Variants in GALNT15 observed in about 807,000 individuals in gnomAD.
The protein encoded by GALNT15 is UDP-GalNAc transferase T15.
In GALNT15, 67 loss-of-function variants were observed where a neutral mutation model predicts 66.8. The ratio of observed to expected loss-of-function variants is 1.00; its 90% CI spans 0.82 to 1.23. The LOEUF (loss-of-function observed/expected upper bound fraction) is 1.23. Ranked by LOEUF, GALNT15 falls within the 50% of genes most tolerant of loss-of-function variation. The pLI, the probability that GALNT15 is intolerant of heterozygous loss-of-function variation, is 0.00. For synonymous variants in GALNT15, 313 were observed against 311.5 expected (o/e 1.00, Z -0.05); for missense variants, 827 against 804.3 (o/e 1.03, Z -0.34).
chr3:16,195,909 A>G lies in GALNT15; in HGVS notation c.689A>G (p.Asp230Gly), dbSNP rs749959530. The change falls in exon 2 of 10, where the codon GAC becomes GGC. Residue 230 changes from aspartate (D) to glycine (G), a missense_variant. Asp to Gly is a moderately conservative substitution (Grantham distance 94). Coordinates refer to ENST00000339732, the MANE Select transcript of GALNT15 (RefSeq NM_054110.5). The surrounding 1 kb of genome is among the most constrained non-coding windows in gnomAD (Gnocchi z 4.6). ...TTCCTGAAGGAGATCATCCTCGTGG[A>G]CGACCTCAGCCAGCAAGGTAGCCAC... ...RAFLKEIILV[D>G]DLSQQGQLKS... The G allele has an allele frequency of 2.5e-5, 41 of 1,613,994 alleles. No homozygotes were observed. The Admixed American group carries it at 6.5e-4, about 26-fold the overall frequency.
the GALNT15 span, among the ~76,000 whole-genome samples, chr3:16,240,372 A>T: frequency 6.6e-6 from 1 of 152,212 alleles, no homozygotes; most frequent in Non-Finnish European, 1.5e-5. Flanking sequence ...GGATGACTTG[A>T]TGAGTCACTC....
In GALNT15 at chr3:16,189,645, G is replaced by T. The variant is rs2063553497; in HGVS notation, c.540-6115G>T. On this transcript the variant is annotated intron_variant, in intron 1 of 9. Transcript: ENST00000339732. The surrounding 1 kb of genome is among the most constrained non-coding windows in gnomAD (Gnocchi z 5.1). ...TTGTTATCCTCATTTTATAGATGAA[G>T]AAATTGAAGCTAGAAAGATATCCAG... Among the ~76,000 whole-genome samples, 1 of 152,176 alleles carries T rather than the reference G, an allele frequency of 6.6e-6. No homozygotes were observed. The highest frequency in any genetic ancestry group is 1.5e-5 in the Non-Finnish European group (1 of 68,024).
At chr3:16,213,702 C>G (rs2124889853) in intron 6 of GALNT15, among the ~76,000 whole-genome samples, 1 of 152,208 alleles carries the variant, frequency 6.6e-6, no homozygotes. Flanking sequence ...TCCCACAAGC[C>G]CCTTAGCAGC....
rs549788460 is a variant in GALNT15, at chr3:16,176,353, G to A, written c.539+663G>A. 2.0e-5 allele frequency among the ~76,000 whole-genome samples: 3 copies of A among 152,272 alleles called. No homozygotes were observed. The highest frequency in any genetic ancestry group is 4.8e-5 in the African/African-American group (2 of 41,550). ...AAGGTGAAGTTGCTTTCCCAGTCAC[G>A]CTGCTAGTAGGTAACAAAGTCAGGA... On this transcript the variant is annotated intron_variant, in intron 1 of 9. Transcript: ENST00000339732. The surrounding 1 kb of genome is among the most constrained non-coding windows in gnomAD (Gnocchi z 5.6).
At position 16,228,906 on chromosome 3, in the gene GALNT15, C is replaced by T. The variant is rs1376645915; in HGVS notation, c.*1406C>T. ...GTCCATGAGTGTGGGAAGAACACGG[C>T]TCATCTGGAGCACAGCTGAGGCTAG... On this transcript the variant is annotated 3_prime_UTR_variant, in exon 10 of 10. Transcript: ENST00000339732. 4.1e-6 allele frequency: 4 copies of T among 985,334 alleles called. No individual in the cohort carries two copies. The East Asian group carries it at 3.4e-4, about 84-fold the overall frequency. The allele number at this position is 985,334 out of a possible 1,614,324, so 61.0% of individuals were successfully genotyped here. A position where few individuals can be genotyped will look rare whatever the true frequency, so the allele number is the denominator to read the frequency against.
chr3:16,208,839 G>A (rs1482707706), intron 4 of GALNT15, among the ~76,000 whole-genome samples, 169 bp downstream of exon 4: 3 of 152,132 alleles, frequency 2.0e-5, no homozygotes, highest in Non-Finnish European at 4.4e-5. Flanking sequence ...TACCTATAAG[G>A]GTTACCCTAT....
At chr3:16,205,526 G>T (rs2063747615) in intron 3 of GALNT15, among the ~76,000 whole-genome samples, 1 of 152,202 alleles carries the variant, frequency 6.6e-6, no homozygotes, top group Non-Finnish European at 1.5e-5. Flanking sequence ...CCTTGTACCT[G>T]CCTGAGGGTT....
downstream of GALNT15, among the ~76,000 whole-genome samples, chr3:16,231,214 T>G (rs2064078252): frequency 3.3e-5 from 5 of 152,016 alleles, no homozygotes; most frequent in Admixed American, 3.3e-4. The surrounding 1 kb of genome is among the most constrained non-coding windows in gnomAD (Gnocchi z 4.1). Context: ...GCTTAAAACC[T>G]AGATGATGGG....
Position 16,203,174 on chromosome 3 carries a change from G to A in GALNT15, c.911+2351G>A, listed in dbSNP as rs934495582. ...CTCTGGGTCCAGTGCTGTTTTTATT[G>A]TGTACATTTTCTTTTTAAGAGTTGG... On this transcript the variant is annotated intron_variant, in intron 3 of 9. Coordinates refer to ENST00000339732, the MANE Select transcript of GALNT15 (RefSeq NM_054110.5). This position sits in a 1 kb window ranked among gnomAD's most constrained non-coding sequence, Gnocchi z 6.2. Among the ~76,000 whole-genome samples, 1 of 152,122 alleles carries A rather than the reference G, an allele frequency of 6.6e-6. No individual in the cohort carries two copies. Among genetic ancestry groups the A allele is most frequent in the Admixed American group, 6.5e-5 (1 of 15,272 alleles).
At chr3:16,241,354 A>C in the GALNT15 span, among the ~76,000 whole-genome samples, 2 of 152,282 alleles carry the variant, frequency 1.3e-5, no homozygotes, top group African/African-American at 4.8e-5. This position sits in a 1 kb window ranked among gnomAD's most constrained non-coding sequence, Gnocchi z 4.6. Flanking sequence ...AAAATTACAG[A>C]GCTAAAATTT....
rs1173501006 is a variant in GALNT15 at position 16,195,851 on chromosome 3, G to A, written c.631G>A (p.Val211Ile). The A allele has an allele frequency of 6.2e-7, 1 of 1,614,138 alleles. No homozygotes were observed. The highest frequency in any genetic ancestry group is 1.1e-5 in the South Asian group (1 of 91,078). ...GGCCTGGTCCACTCTCCTGCGGACT[G>A]TACACAGCATCCTCGACACAGTGCC... Reference protein sequence around the residue: ...DEAWSTLLRTVHSILDTVPRA... With the variant: ...DEAWSTLLRTIHSILDTVPRA... The change falls in exon 2 of 10, where the codon GTA becomes ATA. Residue 211 changes from valine to isoleucine, a missense_variant. Coordinates refer to ENST00000339732, the MANE Select transcript of GALNT15 (RefSeq NM_054110.5). The surrounding 1 kb of genome is among the most constrained non-coding windows in gnomAD (Gnocchi z 4.6).
At chr3:16,199,692 A>G (rs1232352344) in intron 2 of GALNT15, among the ~76,000 whole-genome samples, 2 of 151,830 alleles carry the variant, frequency 1.3e-5, no homozygotes, top group African/African-American at 4.8e-5. Context: ...GCCTGATCCC[A>G]TGGGGGACTC....
chr3:16,216,468 T>C (rs574703120), intron 6 of GALNT15, among the ~76,000 whole-genome samples: 14 of 148,208 alleles, frequency 9.4e-5, no homozygotes, highest in African/African-American at 3.5e-4. Context: ...CACTGCACTT[T>C]AGCCTGCGAG....
chr3:16,221,723 T>G (rs2063944517), intron 8 of GALNT15, among the ~76,000 whole-genome samples: 2 of 152,130 alleles, frequency 1.3e-5, no homozygotes, highest in African/African-American at 4.8e-5. Context: ...TACAGGGGCT[T>G]TGAGTAGGAA....
At position 16,222,819 on chromosome 3, in the gene GALNT15, G is replaced by GCATT. The variant is rs2063960149; in HGVS notation, c.1773+62_1773+65dup. 5 of 1,585,172 alleles carry GCATT rather than the reference G, an allele frequency of 3.2e-6. No homozygotes were observed. In the African/African-American group the frequency reaches 6.7e-5, roughly 21 times the overall value. On this transcript the variant is annotated intron_variant, in intron 9 of 9. Coordinates refer to ENST00000339732, the MANE Select transcript of GALNT15 (RefSeq NM_054110.5). ...GCTGGTCAGAAGGAACTGCTGGTTG[G>GCATT]CATTGGATCCTGGGCTCTTCCAAGA...
At chr3:16,248,117 G>A in the GALNT15 span, among the ~76,000 whole-genome samples, 1 of 152,138 alleles carries the variant, frequency 6.6e-6, no homozygotes, top group Non-Finnish European at 1.5e-5. This position sits in a 1 kb window ranked among gnomAD's most constrained non-coding sequence, Gnocchi z 4.9. Context: ...TATCGTTCAA[G>A]CTACTGTTCA....
downstream of GALNT15, among the ~76,000 whole-genome samples, chr3:16,230,682 CTACT>C: frequency 6.6e-6 from 1 of 152,246 alleles, no homozygotes; most frequent in African/African-American, 2.4e-5. This position sits in a 1 kb window ranked among gnomAD's most constrained non-coding sequence, Gnocchi z 4.5. Context: ...GGGCACAACT[CTACT>C]TATTATGCAC....
In GALNT15 at chr3:16,188,745, A is replaced by AC. The variant is rs542142699; in HGVS notation, c.540-7011dup. Reference sequence around the variant, plus strand: ...CCCTCCTCCTAGTTCTGGTCTACCCACCCCTCATTCCTTAGTGCCTGAAGC... The same window carrying AC: ...CCCTCCTCCTAGTTCTGGTCTACCCACCCCCTCATTCCTTAGTGCCTGAAGC... On this transcript the variant is annotated intron_variant, in intron 1 of 9. Transcript: ENST00000339732. The surrounding 1 kb of genome is among the most constrained non-coding windows in gnomAD (Gnocchi z 4.6). Among the ~76,000 whole-genome samples the AC allele has an allele frequency of 1.2e-4, 18 of 152,164 alleles. No homozygotes were observed. The highest frequency in any genetic ancestry group is 3.6e-4 in the African/African-American group (15 of 41,518).
rs2064051911 is a variant in GALNT15, at chr3:16,228,828, T to C, written c.*1328T>C. 2 of 985,400 alleles carry C rather than the reference T, an allele frequency of 2.0e-6. No homozygotes were observed. Among genetic ancestry groups the C allele is most frequent in the African/African-American group, 3.5e-5 (2 of 57,336 alleles). 61.0% of individuals were successfully genotyped at this position (985,400 alleles called of 1,614,324 possible). A position where few individuals can be genotyped will look rare whatever the true frequency, so the allele number is the denominator to read the frequency against. On this transcript the variant is annotated 3_prime_UTR_variant, in exon 10 of 10. Transcript: ENST00000339732. ...ATGTCCATGAGAGCTGACAGGGCCA[T>C]CTCTGAGCCCATATAACTGTCTGGA...
Sources: gnomAD v4.1 joint callset for allele counts (sites outside exome capture counted in the v4.1 genomes callset) on GRCh38, gnomAD v4.1.1 for gene constraint, Gnocchi (gnomAD v3.1) non-coding constraint, MANE v1.5 for transcripts, NCBI Gene and HGNC (gene_info 2026-07-23, HGNC 2026-07-21) for gene names.